Variants in ZNF236 observed in about 807,000 individuals in gnomAD.
ZNF236 encodes the protein regulated by glucose.
ZNF236 carries 50 observed loss-of-function variants against 191.2 expected under a neutral mutation model. The observed-to-expected ratio is 0.26, with a 90% CI of 0.21 to 0.33. The LOEUF (loss-of-function observed/expected upper bound fraction) is 0.33. Ranked by LOEUF, ZNF236 falls within the 10% of genes least tolerant of loss-of-function variation. The pLI is 1.00. For synonymous variants in ZNF236, 907 were observed against 928.8 expected (o/e 0.98, Z 0.43); for missense variants, 1,754 against 2,374.5 (o/e 0.74, Z 5.43).
At chr18:76,844,771 G>C (rs1975625878) in intron 1 of ZNF236, among the ~76,000 whole-genome samples, 1 of 152,152 alleles carries the variant, frequency 6.6e-6, no homozygotes, top group Non-Finnish European at 1.5e-5. Flanking sequence ...ATCAATGTAG[G>C]GTCTCTAGGT....
At chr18:76,857,635 T>TA (rs1976083147) in intron 3 of ZNF236, among the ~76,000 whole-genome samples, 1 of 152,164 alleles carries the variant, frequency 6.6e-6, no homozygotes, top group East Asian at 1.9e-4. Flanking sequence ...CACAGGCAGG[T>TA]ACACTTGGAG....
At chr18:76,891,285 T>A (rs578004568) in intron 9 of ZNF236, among the ~76,000 whole-genome samples, 27 of 152,260 alleles carry the variant, frequency 1.8e-4, no homozygotes, top group Non-Finnish European at 2.8e-4. Context: ...AGTTTGTCAA[T>A]GTTTAATGAC....
chr18:76,848,028 G>A (rs981397026), intron 1 of ZNF236, among the ~76,000 whole-genome samples: 2 of 152,182 alleles, frequency 1.3e-5, no homozygotes, highest in African/African-American at 4.8e-5. Context: ...GTTTGCAGCT[G>A]TTGCTGACTT....
intron 1 of ZNF236, chr18:76,834,407 A>T: frequency 5.7e-6 from 1 of 176,990 alleles, no homozygotes; most frequent in Middle Eastern, 2.4e-3. Flanking sequence ...AGTTTTAATG[A>T]AAGCTTGTAT....
At chr18:76,912,849 C>T (rs1051028035) in intron 17 of ZNF236, among the ~76,000 whole-genome samples, 10 of 152,224 alleles carry the variant, frequency 6.6e-5, no homozygotes, top group Non-Finnish European at 7.3e-5. Flanking sequence ...GATGGGGTTT[C>T]ACCACATTGG....
At chr18:76,909,611 G>A in intron 14 of ZNF236, among the ~76,000 whole-genome samples, 1 of 152,186 alleles carries the variant, frequency 6.6e-6, no homozygotes, top group East Asian at 1.9e-4. Context: ...TAGACTGTGT[G>A]ATTAGTGACA....
At chr18:76,858,088 C>G (rs1344884678) in intron 3 of ZNF236, among the ~76,000 whole-genome samples, 1 of 146,566 alleles carries the variant, frequency 6.8e-6, no homozygotes, top group African/African-American at 2.5e-5. Context: ...CTGCCATCCT[C>G]CCTGATTCTC....
chr18:76,851,674 TTGTC>T (rs1182622450), intron 2 of ZNF236, 97 bp from the exon 3 acceptor site: 23 of 1,293,966 alleles, frequency 1.8e-5, no homozygotes, highest in Middle Eastern at 2.1e-4. Flanking sequence ...TTTCTGTAGA[TTGTC>T]TGTACATTAT....
intron 10 of ZNF236, among the ~76,000 whole-genome samples, chr18:76,897,298 C>T (rs1977455957): frequency 6.6e-6 from 1 of 151,504 alleles, no homozygotes; most frequent in Admixed American, 6.6e-5. Context: ...GTACCACATA[C>T]AGTACCAAAC....
rs1568210596 is a variant in ZNF236, at chr18:76,881,413, G to A, written c.1318G>A (p.Asp440Asn). 1.2e-6 allele frequency: 2 copies of A among 1,613,776 alleles called. No homozygotes were observed. The highest frequency in any genetic ancestry group is 1.3e-5 in the African/African-American group (1 of 74,790). Residue 440 changes from aspartate (D) to asparagine (N), a missense_variant, in exon 9 of 31, where the codon GAC becomes AAC. Asp to Asn is a conservative substitution (Grantham distance 23). Around this residue, in one of 5 missense-constraint regions of ZNF236, gnomAD observed 126 missense variants for 110.9 expected, o/e 1.14. Transcript: ENST00000320610. ...DVSSVSNEQT[D>N]PTDAEQEKEQ... ...TTCCAGCGTTTCAAATGAGCAGACG[G>A]ACCCCACAGACGCAGAGCAAGAAAA... is the stretch of plus-strand genomic sequence containing the variant.
chr18:76,857,145 A>G (rs1463745984), intron 3 of ZNF236, among the ~76,000 whole-genome samples: 2 of 149,360 alleles, frequency 1.3e-5, no homozygotes, highest in Admixed American at 6.7e-5. Context: ...CCGCCTCCCC[A>G]TAATTCCTAT....
chr18:76,933,973 A>G (rs1170978267), intron 25 of ZNF236, among the ~76,000 whole-genome samples: 2 of 152,258 alleles, frequency 1.3e-5, no homozygotes, highest in Non-Finnish European at 2.9e-5. Context: ...AATTAAAATG[A>G]CATTATTTTG....
At chr18:76,843,680 G>A (rs1211462421) in intron 1 of ZNF236, among the ~76,000 whole-genome samples, 1 of 147,644 alleles carries the variant, frequency 6.8e-6, no homozygotes, top group Non-Finnish European at 1.5e-5. Flanking sequence ...GGAGGCTGAG[G>A]CAGGAGAATC....
chr18:76,843,409 G>A (rs916164166), intron 1 of ZNF236, among the ~76,000 whole-genome samples: 1 of 152,174 alleles, frequency 6.6e-6, no homozygotes, highest in African/African-American at 2.4e-5. Context: ...ATAAAGTCCA[G>A]CTGTGTTAAA....
At chr18:76,869,312 T>G (rs913110579) in intron 4 of ZNF236, among the ~76,000 whole-genome samples, 2 of 152,228 alleles carry the variant, frequency 1.3e-5, no homozygotes, top group Non-Finnish European at 2.9e-5. Flanking sequence ...TACTTTTATG[T>G]TCCCATTTTG....
chr18:76,953,424 C>A (rs1330631145), intron 27 of ZNF236, among the ~76,000 whole-genome samples: 1 of 152,184 alleles, frequency 6.6e-6, no homozygotes, highest in Non-Finnish European at 1.5e-5. Flanking sequence ...TGTAGCCGAG[C>A]CCTTCCCACA....
intron 7 of ZNF236, among the ~76,000 whole-genome samples, chr18:76,879,513 G>A (rs1976814591): frequency 6.6e-6 from 1 of 152,166 alleles, no homozygotes; most frequent in Admixed American, 6.5e-5. Flanking sequence ...TTTTGACAAA[G>A]GTAGAGTGTC....
At chr18:76,824,135 C>T (rs1974950688) in intron 1 of ZNF236, 1 of 588,606 alleles carries the variant, frequency 1.7e-6, no homozygotes, top group African/African-American at 1.9e-5. Context: ...GACCAAACAA[C>T]ACAGGTGCCC....
At chr18:76,911,872 C>T (rs557782180) in intron 16 of ZNF236, among the ~76,000 whole-genome samples, 1 of 152,192 alleles carries the variant, frequency 6.6e-6, no homozygotes, top group Admixed American at 6.5e-5. Flanking sequence ...TTCTCACCCT[C>T]TGGTTTGTGT....
Sources: gnomAD v4.1 joint callset for allele counts (sites outside exome capture counted in the v4.1 genomes callset) on GRCh38, gnomAD v4.1.1 for gene constraint, gnomAD v4.1.1 regional missense constraint, MANE v1.5 for transcripts, NCBI Gene and HGNC (gene_info 2026-07-23, HGNC 2026-07-21) for gene names.